Variants in EHMT2 observed in about 807,000 individuals in gnomAD.
The protein encoded by EHMT2 is histone-lysine N-methyltransferase EHMT2.
In EHMT2, 59 loss-of-function variants were observed where a neutral mutation model predicts 143.3. That is an observed-to-expected ratio of 0.41 (90% CI 0.33 to 0.51). The LOEUF is 0.51. Ranked by LOEUF, EHMT2 falls within the 20% of genes least tolerant of loss-of-function variation. EHMT2 has a pLI of 0.18. For synonymous variants in EHMT2, 604 were observed against 651.5 expected (o/e 0.93, Z 1.11); for missense variants, 1,174 against 1,645.9 (o/e 0.71, Z 4.96).
exon 4 of EHMT2, chr6:31,896,479 C>T (rs1420032929): frequency 6.2e-7 from 1 of 1,613,006 alleles, no homozygotes; most frequent in Non-Finnish European, 8.5e-7. Context: ...AGGAACCCCC[C>T]TTGCTGGGGG....
At chr6:31,891,468 T>C (rs1193341915) in intron 7 of EHMT2, among the ~76,000 whole-genome samples, 1 of 152,216 alleles carries the variant, frequency 6.6e-6, no homozygotes, top group Non-Finnish European at 1.5e-5. Flanking sequence ...GGTAAAATGA[T>C]ATGAGGTCTG....
rs377425688 is a variant in EHMT2, at chr6:31,888,060, C to G, written c.1726G>C (p.Ala576Pro). 5.0e-6 allele frequency: 8 copies of G among 1,591,336 alleles called. No homozygotes were observed. Among genetic ancestry groups the G allele is most frequent in the African/African-American group, 2.7e-5 (2 of 74,556 alleles). ...CAGTACCTGGGCTGAGAAGTGTCTGCTCTCCCGGGGACATCCTGGGACAGG... is the reference window on the plus strand; with the variant it reads ...CAGTACCTGGGCTGAGAAGTGTCTGGTCTCCCGGGGACATCCTGGGACAGG... The change falls in exon 13 of 28, where the codon GCA becomes CCA. Residue 576 changes from alanine (A) to proline (P), a missense_variant. Ala to Pro is a conservative substitution (Grantham distance 27). This residue lies in a region of EHMT2 where 608 missense variants were observed against 903.7 expected (regional missense o/e 0.67). Transcript: ENST00000375537. The surrounding 1 kb of genome is among the most constrained non-coding windows in gnomAD (Gnocchi z 7.4).
At chr6:31,892,612 A>G (rs1581945743) in intron 6 of EHMT2, 50 bp from the exon 7 acceptor site, 1 of 1,612,610 alleles carries the variant, frequency 6.2e-7, no homozygotes, top group Non-Finnish European at 8.5e-7. Context: ...GCGCATTTCT[A>G]CTGAGGATGG....
intron 5 of EHMT2, 28 bp from the exon 6 acceptor site, chr6:31,892,762 G>T (rs1765871686): frequency 8.1e-6 from 13 of 1,612,956 alleles, no homozygotes; most frequent in Non-Finnish European, 1.0e-5. Context: ...ATGGTGTGGG[G>T]CCTATCACCG....
Position 31,880,429 on chromosome 6 carries a change from T to C in EHMT2, c.3453-165A>G, listed in dbSNP as rs934393496. 1.1e-6 allele frequency: 1 copy of C among 893,812 alleles called. No individual in the cohort carries two copies. The highest frequency in any genetic ancestry group is 1.7e-6 in the Non-Finnish European group (1 of 603,144). The allele number at this position is 893,812 out of a possible 1,614,324, so 55.4% of individuals were successfully genotyped here. A position where few individuals can be genotyped will look rare whatever the true frequency, so the allele number is the denominator to read the frequency against. On this transcript the variant is annotated intron_variant, in intron 27 of 27. Coordinates refer to ENST00000375537, the Ensembl canonical transcript of EHMT2. This position sits in a 1 kb window ranked among gnomAD's most constrained non-coding sequence, Gnocchi z 6.6. Reference sequence around the variant, plus strand: ...GTTCTATGGACTTTCAGCATCAGCATTGCCTGGGGACTTTTTAGAAATGCA... The same window carrying C: ...GTTCTATGGACTTTCAGCATCAGCACTGCCTGGGGACTTTTTAGAAATGCA...
chr6:31,883,677 G>A lies in EHMT2; in HGVS notation c.2916+129C>T. 2 of 1,349,852 alleles carry A rather than the reference G, an allele frequency of 1.5e-6. No individual in the cohort carries two copies. The highest frequency in any genetic ancestry group is 2.1e-6 in the Non-Finnish European group (2 of 973,032). 83.6% of individuals were successfully genotyped at this position (1,349,852 alleles called of 1,614,324 possible). The stretch of plus-strand genomic sequence containing the variant: ...AGGATCCCTCCCCTGGTGGGGATGC[G>A]ACCCCACACCAGGGCTCCCTTTCAG... On this transcript the variant is annotated intron_variant, in intron 22 of 27. Coordinates refer to ENST00000375537, the Ensembl canonical transcript of EHMT2. The surrounding 1 kb of genome is among the most constrained non-coding windows in gnomAD (Gnocchi z 5.6).
chr6:31,884,479 G>A lies in EHMT2; in HGVS notation c.2684C>T (p.Ser895Phe). The A allele has an allele frequency of 6.2e-7, 1 of 1,612,978 alleles. No individual in the cohort carries two copies. The highest frequency in any genetic ancestry group is 1.1e-5 in the South Asian group (1 of 91,092). ...GAGTTGAAGCGCAAACCACACGTCG[G>A]AGCGCTCGGGAGTCAGGTCCCATGC... The change falls in exon 21 of 28, where the codon TCC becomes TTC. Residue 895 changes from serine (S) to phenylalanine (F), a missense_variant. Physicochemically the swap from Ser to Phe is radical, Grantham distance 155. This residue lies in a region of EHMT2 where 608 missense variants were observed against 903.7 expected (regional missense o/e 0.67). Coordinates refer to ENST00000375537, the Ensembl canonical transcript of EHMT2. The surrounding 1 kb of genome is among the most constrained non-coding windows in gnomAD (Gnocchi z 7.3).
Position 31,882,792 on chromosome 6 carries a change from G to A in EHMT2, c.3111-7C>T. ...GTAGAGCTGTAGCCGCACCCTGGGG[G>A]TAGGAGAGATGGCGCTGTTGGGTGG... On this transcript the variant is annotated splice_region_variant and splice_polypyrimidine_tract_variant and intron_variant, in intron 24 of 27. Transcript: ENST00000375537. 2 of 1,612,416 alleles carry A rather than the reference G, an allele frequency of 1.2e-6. No homozygotes were observed. The highest frequency in any genetic ancestry group is 1.7e-6 in the Non-Finnish European group (2 of 1,179,806).
Position 31,888,346 on chromosome 6 carries a change from C to G in EHMT2, c.1509+17G>C, listed in dbSNP as rs993911831. The G allele has an allele frequency of 6.2e-7, 1 of 1,611,798 alleles. No homozygotes were observed. The highest frequency in any genetic ancestry group is 1.3e-5 in the African/African-American group (1 of 75,038). ...TGCCACAGGGCATGCTACCTGTCTG[C>G]CCCACTGGTCACTCACCGCCGTGCA... On this transcript the variant is annotated intron_variant, in intron 12 of 27. Coordinates refer to ENST00000375537, the Ensembl canonical transcript of EHMT2. The surrounding 1 kb of genome is among the most constrained non-coding windows in gnomAD (Gnocchi z 7.4).
Position 31,884,431 on chromosome 6 carries a change from AC to A in EHMT2, c.2731del (p.Val911TrpfsTer52), listed in dbSNP as rs1405957425. 4 of 1,612,666 alleles carry A rather than the reference AC, an allele frequency of 2.5e-6. No homozygotes were observed. Among genetic ancestry groups the A allele is most frequent in the Non-Finnish European group, 3.4e-6 (4 of 1,179,986 alleles). On this transcript the variant is annotated frameshift_variant, in exon 21 of 28. Coordinates refer to ENST00000375537, the Ensembl canonical transcript of EHMT2. LOFTEE classifies it high-confidence loss of function. The surrounding 1 kb of genome is among the most constrained non-coding windows in gnomAD (Gnocchi z 7.3). The stretch of plus-strand genomic sequence containing the variant: ...CTCTGTGCGGATGGCCCGATTTCCC[AC>A]CCCAAGTCGGAGCTTGCGGTTGAGT...
At chr6:31,896,342 G>A (rs1320760072) in exon 4 of EHMT2, 2 of 1,612,906 alleles carry the variant, frequency 1.2e-6, no homozygotes, top group Non-Finnish European at 1.7e-6. Context: ...GGTGGCTGGA[G>A]GGGGTTCAGA....
At position 31,880,204 on chromosome 6, in the gene EHMT2, GC is replaced by G. The variant is rs1332633393; in HGVS notation, c.3512del (p.Gly1171AlafsTer?). The G allele has an allele frequency of 6.2e-7, 1 of 1,613,020 alleles. No individual in the cohort carries two copies. Among genetic ancestry groups the G allele is most frequent in the Admixed American group, 1.7e-5 (1 of 60,018 alleles). On this transcript the variant is annotated frameshift_variant, in exon 28 of 28. Coordinates refer to ENST00000375537, the Ensembl canonical transcript of EHMT2. LOFTEE classifies it high-confidence loss of function. This position sits in a 1 kb window ranked among gnomAD's most constrained non-coding sequence, Gnocchi z 6.6. The stretch of plus-strand genomic sequence containing the variant: ...CGGCTGAGTGCTTGCACTTCTCAGA[GC>G]CACATTGGCAGGTGAAATATTTGCT...
At chr6:31,896,198 T>A (rs757573342) in intron 4 of EHMT2, 65 bp downstream of exon 4, 1 of 1,538,682 alleles carries the variant, frequency 6.5e-7, no homozygotes, top group African/African-American at 1.4e-5. Flanking sequence ...AAGCCTTAAG[T>A]GAAACTGTAA....
rs774994764 is a variant in EHMT2, at chr6:31,888,552, CG to C, written c.1365+46del. On this transcript the variant is annotated intron_variant, in intron 11 of 27. Transcript: ENST00000375537. This position sits in a 1 kb window ranked among gnomAD's most constrained non-coding sequence, Gnocchi z 7.4. Reference sequence around the variant, plus strand: ...TGAGAAGAGAGCGTGAGGCTGGGGCCGGGGACTGGACGCCCTGGCACCTCTC... The same window carrying C: ...TGAGAAGAGAGCGTGAGGCTGGGGCCGGGACTGGACGCCCTGGCACCTCTC... 3.0e-5 allele frequency: 49 copies of C among 1,609,332 alleles called. No homozygotes were observed. In the South Asian group the frequency reaches 5.2e-4, roughly 17 times the overall value.
Position 31,889,341 on chromosome 6 carries a change from C to T in EHMT2, c.1001G>A (p.Ser334Asn). The T allele has an allele frequency of 6.2e-7, 1 of 1,611,956 alleles. No homozygotes were observed. Among genetic ancestry groups the T allele is most frequent in the Non-Finnish European group, 8.5e-7 (1 of 1,179,932 alleles). Residue 334 changes from serine (S) to asparagine (N), a missense_variant and splice_region_variant, in exon 9 of 28, where the codon AGT (serine) becomes AAT (asparagine). Around this residue, in one of 6 missense-constraint regions of EHMT2, gnomAD observed 608 missense variants for 903.7 expected, o/e 0.67. Coordinates refer to ENST00000375537, the Ensembl canonical transcript of EHMT2. This position sits in a 1 kb window ranked among gnomAD's most constrained non-coding sequence, Gnocchi z 5.1. ...GGCCTTGCGCCGGCCACTGGAACCA[C>T]TCTGGGAAGGGGGAGGAGGAGGAGT... is the stretch of plus-strand genomic sequence containing the variant.
Position 31,892,675 on chromosome 6 carries a change from C to T in EHMT2, c.708+19G>A, listed in dbSNP as rs767788549. ...CAGAGCAGCCCCCGAGGGGTAGAGG[C>T]TCTGCCTCTGCTGCTTACCAGGCCA... On this transcript the variant is annotated intron_variant, in intron 6 of 27. Coordinates refer to ENST00000375537, the Ensembl canonical transcript of EHMT2. The T allele has an allele frequency of 6.2e-7, 1 of 1,613,134 alleles. No individual in the cohort carries two copies. Among genetic ancestry groups the T allele is most frequent in the Admixed American group, 1.7e-5 (1 of 60,026 alleles).
intron 2 of EHMT2, 39 bp downstream of exon 2, chr6:31,896,884 G>A (rs756820337): frequency 3.1e-6 from 5 of 1,611,870 alleles, no homozygotes; most frequent in Non-Finnish European, 4.2e-6. Context: ...GTTTAGGGAA[G>A]GTGACGGTCC....
rs371166930 is a variant in EHMT2 at position 31,883,859 on chromosome 6, C to T, written c.2863G>A (p.Glu955Lys). 20 of 1,613,932 alleles carry T rather than the reference C, an allele frequency of 1.2e-5. No individual in the cohort carries two copies. Among genetic ancestry groups the T allele is most frequent in the Non-Finnish European group, 1.6e-5 (19 of 1,179,990 alleles). Residue 955 changes from glutamate (E) to lysine (K), a missense_variant, in exon 22 of 28, where the codon GAG (glutamate) becomes AAG (lysine). Physicochemically the swap from Glu to Lys is moderately conservative, Grantham distance 56. Coordinates refer to ENST00000375537, the Ensembl canonical transcript of EHMT2. The surrounding 1 kb of genome is among the most constrained non-coding windows in gnomAD (Gnocchi z 5.6). ...TTCATGGTGGACGTCTCGCAGTTCT[C>T]TGAGATGTACTTGTAATCCTCAGGG... is the stretch of plus-strand genomic sequence containing the variant.
At chr6:31,897,031 T>C in intron 1 of EHMT2, 42 bp from the exon 2 acceptor site, 1 of 1,527,948 alleles carries the variant, frequency 6.5e-7, no homozygotes, top group Non-Finnish European at 8.8e-7. Flanking sequence ...GTCAGCCCAG[T>C]AGAGAGTTGG....
Sources: gnomAD v4.1 joint callset for allele counts (sites outside exome capture counted in the v4.1 genomes callset) on GRCh38, gnomAD v4.1.1 for gene constraint, gnomAD v4.1.1 regional missense constraint, Gnocchi (gnomAD v3.1) non-coding constraint, MANE v1.5 for transcripts, NCBI Gene and HGNC (gene_info 2026-07-23, HGNC 2026-07-21) for gene names.